The following CHCHD6 variants were observed in gnomAD, a reference collection of about 807,000 sequenced individuals.
CHCHD6 encodes the protein MICOS complex subunit MIC25.
A neutral mutation model predicts 32.3 loss-of-function variants in CHCHD6; 28 were observed. The observed-to-expected ratio is 0.87, with a 90% confidence interval of 0.64 to 1.19. The LOEUF (loss-of-function observed/expected upper bound fraction) is 1.19. Among genes scored for constraint, CHCHD6 ranks in the 50% most tolerant of loss-of-function variants. The pLI is 0.00. For missense variants in CHCHD6, 333 were observed against 307.0 expected (o/e 1.08, Z -0.63); for synonymous variants, 122 against 117.5 (o/e 1.04, Z -0.25).
In CHCHD6 at chr3:126,721,882, G is replaced by A. The variant is rs532423815; in HGVS notation, c.88-5196G>A. ...TTGGGTCTGACTCCTTTCACTTAGC[G>A]TAGTGCTTTCAAGGTTTCTCCATGT... On this transcript the variant is annotated intron_variant, in intron 1 of 7. Coordinates refer to ENST00000290913, the MANE Select transcript of CHCHD6 (RefSeq NM_032343.3). 2.5e-4 allele frequency among the ~76,000 whole-genome samples: 38 copies of A among 152,194 alleles called. No individual in the cohort carries two copies. The East Asian group carries it at 5.6e-3, about 23-fold the overall frequency.
At chr3:126,759,035 G>A (rs758103763) in intron 4 of CHCHD6, among the ~76,000 whole-genome samples, 36 of 152,168 alleles carry the variant, frequency 2.4e-4, no homozygotes, top group Non-Finnish European at 4.0e-4. Flanking sequence ...GCTCACCAGC[G>A]TGGTCAGGTC....
At chr3:126,770,639 C>T (rs1463498050) in intron 4 of CHCHD6, among the ~76,000 whole-genome samples, 3 of 152,238 alleles carry the variant, frequency 2.0e-5, no homozygotes, top group South Asian at 4.2e-4. Context: ...TATTGATATG[C>T]GTATGTTGAA....
chr3:126,792,089 A>G (rs893715153), intron 4 of CHCHD6, among the ~76,000 whole-genome samples: 1 of 152,138 alleles, frequency 6.6e-6, no homozygotes, highest in Non-Finnish European at 1.5e-5. Flanking sequence ...TTGTGTATAT[A>G]TATAGCAGTT....
chr3:126,719,166 C>T (rs567012628), intron 1 of CHCHD6, among the ~76,000 whole-genome samples: 54 of 152,316 alleles, frequency 3.5e-4, no homozygotes, highest in Middle Eastern at 3.4e-3. Context: ...CTGGCTTGAT[C>T]GTCTGGTCCC....
intron 6 of CHCHD6, among the ~76,000 whole-genome samples, chr3:126,930,845 C>G (rs1015383158): frequency 6.6e-6 from 1 of 152,200 alleles, no homozygotes; most frequent in Admixed American, 6.5e-5. Flanking sequence ...TCTAGCTCAG[C>G]CACACCCAGC....
chr3:126,941,890 C>T (rs1306412923), intron 6 of CHCHD6, among the ~76,000 whole-genome samples: 1 of 152,208 alleles, frequency 6.6e-6, no homozygotes, highest in East Asian at 1.9e-4. Context: ...ACTGACTCAA[C>T]AGGACTGTCA....
chr3:126,819,751 C>T (rs1940071924), intron 4 of CHCHD6, among the ~76,000 whole-genome samples: 2 of 152,238 alleles, frequency 1.3e-5, no homozygotes, highest in South Asian at 2.1e-4. Context: ...GGTATGCACA[C>T]AGCGGGGATT....
chr3:126,841,027 G>A (rs953610816), intron 4 of CHCHD6, among the ~76,000 whole-genome samples: 10 of 151,956 alleles, frequency 6.6e-5, no homozygotes, highest in Admixed American at 2.6e-4. Context: ...TATATCTCCC[G>A]ATGCTATCCC....
At chr3:126,954,707 G>T (rs1027174497) in intron 6 of CHCHD6, among the ~76,000 whole-genome samples, 13 of 152,096 alleles carry the variant, frequency 8.5e-5, no homozygotes, top group African/African-American at 3.1e-4. Flanking sequence ...TGAGGGCAGG[G>T]TGGGGTCCTG....
intron 5 of CHCHD6, among the ~76,000 whole-genome samples, chr3:126,910,625 TTCTAGATGCCAAGATGTTCC>T (rs2078076057): frequency 1.3e-5 from 2 of 152,172 alleles, no homozygotes; most frequent in Non-Finnish European, 2.9e-5. Flanking sequence ...ACACACAAAG[TTCTAGATGCCAAGATGTTCC>T]TCTTAGCTTT....
At chr3:126,807,048 T>TGGGGTGG (rs1443089650) in intron 4 of CHCHD6, among the ~76,000 whole-genome samples, 1 of 70,728 alleles carries the variant, frequency 1.4e-5, no homozygotes, top group Admixed American at 2.3e-4. Context: ...GGGCCTGCTG[T>TGGGGTGG]GGGGTGGGGG....
At chr3:126,847,510 A>G (rs1210837275) in intron 4 of CHCHD6, among the ~76,000 whole-genome samples, 2 of 152,184 alleles carry the variant, frequency 1.3e-5, no homozygotes, top group African/African-American at 2.4e-5. Context: ...TTTTAAAACT[A>G]AATCTTGGAA....
intron 4 of CHCHD6, among the ~76,000 whole-genome samples, chr3:126,824,560 C>CAAGAAAAAAA (rs1940301154): frequency 2.5e-5 from 1 of 40,000 alleles, no homozygotes; most frequent in African/African-American, 1.5e-4. Flanking sequence ...GACTCTGTCT[C>CAAGAAAAAAA]AAAAAAAAAA....
In CHCHD6 at chr3:126,783,832, C is replaced by T. The variant is rs111417585; in HGVS notation, c.411+50610C>T. ...TGGGGCCATGATCAGGCATGCAGGC[C>T]TGCCATTTTACGTGGTGGGAGGGGG... On this transcript the variant is annotated intron_variant, in intron 4 of 7. Coordinates refer to ENST00000290913, the MANE Select transcript of CHCHD6 (RefSeq NM_032343.3). 3.4e-3 allele frequency among the ~76,000 whole-genome samples: 520 copies of T among 152,038 alleles called. 4 individuals are homozygous for T. Among genetic ancestry groups the T allele is most frequent in the African/African-American group, 0.012 (499 of 41,440 alleles).
intron 4 of CHCHD6, among the ~76,000 whole-genome samples, chr3:126,815,518 T>C (rs1358575725): frequency 6.6e-6 from 1 of 152,102 alleles, no homozygotes; most frequent in Non-Finnish European, 1.5e-5. Context: ...CCTCCCTCTC[T>C]CTCACCTCTG....
intron 4 of CHCHD6, chr3:126,767,483 T>A (rs1470051090): frequency 1.7e-6 from 1 of 592,524 alleles, no homozygotes; most frequent in Non-Finnish European, 3.1e-6. Context: ...TCCTGACTTT[T>A]CCTCCCATGC....
chr3:126,705,793 A>G (rs1367054672), intron 1 of CHCHD6, among the ~76,000 whole-genome samples: 5 of 152,140 alleles, frequency 3.3e-5, no homozygotes, highest in African/African-American at 9.7e-5. Context: ...GACCTTGGGT[A>G]AAAAACTCTT....
intron 5 of CHCHD6, among the ~76,000 whole-genome samples, chr3:126,868,526 A>G (rs1032839838): frequency 6.6e-6 from 1 of 152,166 alleles, no homozygotes; most frequent in Non-Finnish European, 1.5e-5. Flanking sequence ...AGATAATCCC[A>G]AAGAATAAGA....
At chr3:126,774,412 T>C (rs1164590971) in intron 4 of CHCHD6, among the ~76,000 whole-genome samples, 2 of 152,196 alleles carry the variant, frequency 1.3e-5, no homozygotes, top group African/African-American at 2.4e-5. Flanking sequence ...AAGTTATATC[T>C]TGTGTAAATA....
Sources: gnomAD v4.1 joint callset for allele counts (sites outside exome capture counted in the v4.1 genomes callset) on GRCh38, gnomAD v4.1.1 for gene constraint, MANE v1.5 for transcripts, NCBI Gene and HGNC (gene_info 2026-07-23, HGNC 2026-07-21) for gene names.